PCDH7: variants seen among roughly 807,000 people sequenced by gnomAD.
PCDH7 encodes the protein protocadherin 7, also known as protocadherin-7.
Under a neutral mutation model 58.9 loss-of-function variants are expected in PCDH7, and 17 were observed. The ratio of observed to expected loss-of-function variants is 0.29; its 90% CI spans 0.20 to 0.43. PCDH7 has a LOEUF of 0.43. Ranked by LOEUF, PCDH7 falls within the 20% of genes least tolerant of loss-of-function variation. The pLI is 1.00. For missense variants in PCDH7, 1,274 were observed against 1,441.0 expected (o/e 0.88, Z 1.88); for synonymous variants, 664 against 616.4 (o/e 1.08, Z -1.14).
At chr4:31,095,433 G>T (rs999742014) in intron 3 of PCDH7, among the ~76,000 whole-genome samples, 2 of 152,062 alleles carry the variant, frequency 1.3e-5, no homozygotes, top group African/African-American at 4.8e-5. Flanking sequence ...ACTGCTCTCT[G>T]CAGGCCCTTG....
chr4:30,808,372 T>C (rs1028513438), intron 1 of PCDH7, among the ~76,000 whole-genome samples: 4 of 152,172 alleles, frequency 2.6e-5, no homozygotes, highest in African/African-American at 9.7e-5. Context: ...AATAAAACTT[T>C]TTCAGGGCAT....
Position 31,128,164 on chromosome 4 carries a change from C to T in PCDH7, c.*8-14309C>T, listed in dbSNP as rs543322626. On this transcript the variant is annotated intron_variant, in intron 3 of 3. Transcript: ENST00000509759. ...ACATATATACACACACACACACACA[C>T]GGACACACATATAAAAGTCTGAAAC... Among the ~76,000 whole-genome samples, 7 of 151,500 alleles carry T rather than the reference C, an allele frequency of 4.6e-5. No homozygotes were observed. In the South Asian group the frequency reaches 8.3e-4, roughly 18 times the overall value.
intron 3 of PCDH7, among the ~76,000 whole-genome samples, chr4:31,084,344 C>T (rs1712031542): frequency 6.6e-6 from 1 of 152,050 alleles, no homozygotes; most frequent in Non-Finnish European, 1.5e-5. Context: ...AATTTTTCTG[C>T]ATTATAGACG....
chr4:30,772,386 T>C (rs1394201350), intron 1 of PCDH7, among the ~76,000 whole-genome samples: 3 of 152,380 alleles, frequency 2.0e-5, no homozygotes, highest in Non-Finnish European at 2.9e-5. Context: ...ATGTGTATTC[T>C]GTCTCCCTCC....
At chr4:30,932,757 A>T (rs1395353080) in intron 2 of PCDH7, among the ~76,000 whole-genome samples, 1 of 152,190 alleles carries the variant, frequency 6.6e-6, no homozygotes, top group Admixed American at 6.5e-5. Context: ...TTCTAGATCC[A>T]TAAAACACAA....
chr4:30,865,669 T>C (rs1734788918), intron 1 of PCDH7, among the ~76,000 whole-genome samples: 1 of 152,144 alleles, frequency 6.6e-6, no homozygotes, highest in South Asian at 2.1e-4. Flanking sequence ...AAGTACAACG[T>C]ATTTTAAGGA....
intron 1 of PCDH7, among the ~76,000 whole-genome samples, chr4:30,807,707 A>C (rs140352725): frequency 2.0e-5 from 3 of 152,232 alleles, no homozygotes; most frequent in African/African-American, 7.2e-5. Context: ...GATGTGATGG[A>C]GCAAAGGGCT....
chr4:30,841,549 G>A (rs915545891), intron 1 of PCDH7, among the ~76,000 whole-genome samples: 2 of 152,032 alleles, frequency 1.3e-5, no homozygotes, highest in East Asian at 1.9e-4. Flanking sequence ...TTTTTCTGAC[G>A]TGATGTGATT....
chr4:31,051,585 A>C (rs1212583557), intron 3 of PCDH7, among the ~76,000 whole-genome samples: 1 of 145,208 alleles, frequency 6.9e-6, no homozygotes, highest in East Asian at 2.0e-4. Flanking sequence ...CTATTTCTTT[A>C]TTCGGATATT....
chr4:31,035,683 T>A (rs970182256), intron 3 of PCDH7, among the ~76,000 whole-genome samples: 2 of 152,188 alleles, frequency 1.3e-5, no homozygotes, highest in African/African-American at 4.8e-5. Flanking sequence ...ATTCCCCAAA[T>A]GGTAGTGCCA....
At chr4:30,748,817 C>A (rs1318527670) in intron 1 of PCDH7, among the ~76,000 whole-genome samples, 11 of 152,094 alleles carry the variant, frequency 7.2e-5, no homozygotes, top group Admixed American at 7.2e-4. Flanking sequence ...TGTACAGGAA[C>A]TCAACAGAAG....
At position 30,720,774 on chromosome 4, in the gene PCDH7, T is replaced by A. The variant is rs1713372682; in HGVS notation, c.-649T>A. On this transcript the variant is annotated 5_prime_UTR_variant, in exon 1 of 2. It removes an upstream start codon present in the reference 5' UTR. Transcript: ENST00000361762. The surrounding 1 kb of genome is among the most constrained non-coding windows in gnomAD (Gnocchi z 4.7). ...TCTGTTGACTGGCTCCCCCGCTGCA[T>A]GAGCAGAGTCGGAGTTGAGACTGGC... The A allele has an allele frequency of 6.5e-6, 1 of 152,722 alleles. No individual in the cohort carries two copies. Among genetic ancestry groups the A allele is most frequent in the Non-Finnish European group, 1.5e-5 (1 of 68,512 alleles). 9.5% of individuals were successfully genotyped at this position (152,722 alleles called of 1,614,324 possible). A position where few individuals can be genotyped will look rare whatever the true frequency, so the allele number is the denominator to read the frequency against.
intron 1 of PCDH7, among the ~76,000 whole-genome samples, chr4:30,914,029 A>T (rs1262284449): frequency 6.6e-6 from 1 of 152,144 alleles, no homozygotes; most frequent in Non-Finnish European, 1.5e-5. Context: ...AGGGGAGGAT[A>T]TGAAAAGGCC....
chr4:31,120,736 G>C (rs756358207), intron 3 of PCDH7, among the ~76,000 whole-genome samples: 2 of 152,250 alleles, frequency 1.3e-5, no homozygotes, highest in Non-Finnish European at 2.9e-5. Flanking sequence ...GTCAGGATTA[G>C]AAAGCAGGTA....
At chr4:31,018,187 C>G (rs1753763349) in intron 3 of PCDH7, among the ~76,000 whole-genome samples, 1 of 152,100 alleles carries the variant, frequency 6.6e-6, no homozygotes, top group African/African-American at 2.4e-5. Flanking sequence ...CTGCAAAATT[C>G]TGATATGTTT....
rs35672332 is a variant in PCDH7 at position 30,752,632 on chromosome 4, C to CTTT, written c.70+28048_70+28050dup. ...ATGTATTAGAAGATATGGACTCTTA[C>CTTT]TTTTTTTTTTTTTTGCAAACTTTAT... On this transcript the variant is annotated intron_variant, in intron 1 of 3. Coordinates refer to the PCDH7 transcript ENST00000509759. Among the ~76,000 whole-genome samples, 41 of 140,210 alleles carry CTTT rather than the reference C, an allele frequency of 2.9e-4. 1 individual carries two copies. The highest frequency in any genetic ancestry group is 7.1e-4 in the African/African-American group (27 of 38,080). The allele number at this position is 140,210 out of a possible 152,430, so 92.0% of individuals were successfully genotyped here. A position where few individuals can be genotyped will look rare whatever the true frequency, so the allele number is the denominator to read the frequency against.
chr4:30,979,961 A>G (rs1306708352), intron 3 of PCDH7, among the ~76,000 whole-genome samples: 2 of 152,172 alleles, frequency 1.3e-5, no homozygotes, highest in Non-Finnish European at 2.9e-5. Flanking sequence ...CCCTGACACT[A>G]TGGTGGGACA....
chr4:30,770,013 G>A lies in PCDH7; in HGVS notation c.70+45417G>A, dbSNP rs141811559. Among the ~76,000 whole-genome samples the A allele has an allele frequency of 1.2e-3, 178 of 152,228 alleles. 1 individual carries two copies. The Middle Eastern group carries it at 0.017, about 15-fold the overall frequency. On this transcript the variant is annotated intron_variant, in intron 1 of 3. Coordinates refer to the PCDH7 transcript ENST00000509759. ...AATTTAGCCTGAAGTGGCCAATCCC[G>A]CAGGCTTTGTACTTGAAAAACACCC...
chr4:30,898,506 G>C (rs1739744675), intron 1 of PCDH7, among the ~76,000 whole-genome samples: 1 of 152,190 alleles, frequency 6.6e-6, no homozygotes, highest in Non-Finnish European at 1.5e-5. Context: ...CTAGAGATCA[G>C]AATAATCTAG....
Sources: gnomAD v4.1 joint callset for allele counts (sites outside exome capture counted in the v4.1 genomes callset) on GRCh38, gnomAD v4.1.1 for gene constraint, Gnocchi (gnomAD v3.1) non-coding constraint, MANE v1.5 for transcripts, NCBI Gene and HGNC (gene_info 2026-07-23, HGNC 2026-07-21) for gene names.